Variants in PLPPR5 observed in about 807,000 individuals in gnomAD.
PLPPR5 encodes phospholipid phosphatase-related protein type 5.
A neutral mutation model predicts 33.9 loss-of-function variants in PLPPR5; 16 were observed. That is an observed-to-expected ratio of 0.47 (90% CI 0.32 to 0.72). PLPPR5 has a LOEUF of 0.72. Among genes scored for constraint, PLPPR5 ranks in the 30% least tolerant of loss-of-function variants. PLPPR5 has a pLI of 0.03. For missense variants in PLPPR5, 301 were observed against 406.7 expected, an observed-to-expected ratio of 0.74 and a Z score of 2.23; for synonymous variants, 163 against 150.3, an observed-to-expected ratio of 1.08 and a Z score of -0.62.
chr1:98,977,575 T>C (rs1385517240), intron 1 of PLPPR5, among the ~76,000 whole-genome samples: 1 of 149,950 alleles, frequency 6.7e-6, no homozygotes, highest in Non-Finnish European at 1.5e-5. Context: ...AAGACCATCA[T>C]GTTTTTATTG....
In PLPPR5 at chr1:98,972,063, T is replaced by C. The variant is rs528744318; in HGVS notation, c.238-15322A>G. Among the ~76,000 whole-genome samples the C allele has an allele frequency of 2.0e-5, 3 of 152,138 alleles. No individual in the cohort carries two copies. The East Asian group carries it at 5.8e-4, about 30-fold the overall frequency. On this transcript the variant is annotated intron_variant, in intron 1 of 5. Transcript: ENST00000263177. ...CTTAACTATGGAGGATCATGAGTGGTGTTGGGCCCAAACGAACCCTCAATG... is the reference window on the plus strand; with the variant it reads ...CTTAACTATGGAGGATCATGAGTGGCGTTGGGCCCAAACGAACCCTCAATG...
intron 3 of PLPPR5, 94 bp from the exon 4 acceptor site, chr1:98,922,152 C>T (rs1280292324): frequency 5.3e-6 from 6 of 1,134,606 alleles, no homozygotes; most frequent in African/African-American, 1.6e-5. Flanking sequence ...TATTTATAGA[C>T]ATATATACGC....
intron 3 of PLPPR5, among the ~76,000 whole-genome samples, chr1:98,938,600 A>G (rs1288331745): frequency 2.7e-5 from 4 of 150,898 alleles, no homozygotes; most frequent in Non-Finnish European, 5.9e-5. Flanking sequence ...ATATCATTCT[A>G]TCACAAAGAC....
Position 99,000,648 on chromosome 1 carries a change from TC to T in PLPPR5, c.237+3786del, listed in dbSNP as rs940292105. On this transcript the variant is annotated intron_variant, in intron 1 of 5. Coordinates refer to ENST00000263177, the MANE Select transcript of PLPPR5 (RefSeq NM_001037317.2). ...ACACACCTTAAATACCACCATCTTC[TC>T]CATGAAGCCTTTCCTCATGTCTCCA... 3.0e-4 allele frequency among the ~76,000 whole-genome samples: 45 copies of T among 152,316 alleles called. 1 individual carries two copies. The highest frequency in any genetic ancestry group is 1.1e-3 in the African/African-American group (45 of 41,584).
At chr1:98,963,300 T>C (rs781669462) in intron 1 of PLPPR5, among the ~76,000 whole-genome samples, 2 of 152,226 alleles carry the variant, frequency 1.3e-5, no homozygotes, top group African/African-American at 2.4e-5. Context: ...CAATGGCACG[T>C]TGTACATTTA....
intron 1 of PLPPR5, among the ~76,000 whole-genome samples, chr1:98,971,095 G>A (rs1651641310): frequency 6.6e-6 from 1 of 151,956 alleles, no homozygotes; most frequent in Admixed American, 6.6e-5. Context: ...GATGAGGCCT[G>A]GAATGTTCAT....
At chr1:98,945,889 G>C (rs776881120) in intron 3 of PLPPR5, among the ~76,000 whole-genome samples, 3 of 152,162 alleles carry the variant, frequency 2.0e-5, no homozygotes, top group Non-Finnish European at 4.4e-5. Context: ...GTCTAGATCT[G>C]ACTTGCCTAT....
At chr1:98,955,958 C>T (rs1256232690) in intron 2 of PLPPR5, among the ~76,000 whole-genome samples, 1 of 152,046 alleles carries the variant, frequency 6.6e-6, no homozygotes, top group African/African-American at 2.4e-5. Flanking sequence ...TTCATTCATG[C>T]ATATATTTAT....
intron 3 of PLPPR5, among the ~76,000 whole-genome samples, chr1:98,922,508 T>C (rs192045683): frequency 9.9e-4 from 150 of 152,278 alleles, no homozygotes; most frequent in African/African-American, 3.4e-3. Flanking sequence ...ACATACTTGA[T>C]AAAAACCAGC....
At chr1:98,939,746 C>G (rs1650305155) in intron 3 of PLPPR5, among the ~76,000 whole-genome samples, 1 of 151,878 alleles carries the variant, frequency 6.6e-6, no homozygotes, top group Non-Finnish European at 1.5e-5. Flanking sequence ...GTCCTGCAGT[C>G]ACAGCCGTGT....
intron 5 of PLPPR5, among the ~76,000 whole-genome samples, chr1:98,909,000 T>C (rs145515564): frequency 6.6e-6 from 1 of 151,812 alleles, no homozygotes; most frequent in Non-Finnish European, 1.5e-5. Context: ...TTTTAAAAGA[T>C]AATGATTTTC....
intron 1 of PLPPR5, among the ~76,000 whole-genome samples, chr1:98,976,798 AAATT>A (rs1651879640): frequency 6.6e-6 from 1 of 152,082 alleles, no homozygotes; most frequent in African/African-American, 2.4e-5. Flanking sequence ...TAAATTATCA[AAATT>A]AATTTCACCT....
chr1:98,958,924 C>T (rs979295611), intron 1 of PLPPR5, among the ~76,000 whole-genome samples: 6 of 152,168 alleles, frequency 3.9e-5, no homozygotes. Flanking sequence ...CACGGGGTCT[C>T]CATCCCCTGG....
chr1:98,927,808 TAGGAC>T (rs1649821266), intron 3 of PLPPR5, among the ~76,000 whole-genome samples: 1 of 152,210 alleles, frequency 6.6e-6, no homozygotes, highest in Non-Finnish European at 1.5e-5. Context: ...CTCCACTTCT[TAGGAC>T]AGGAAGTACT....
chr1:98,977,733 A>C (rs1281336188), intron 1 of PLPPR5, among the ~76,000 whole-genome samples: 8 of 151,560 alleles, frequency 5.3e-5, no homozygotes, highest in Non-Finnish European at 8.8e-5. Context: ...GGTGAACCTA[A>C]CATTTGCTTG....
chr1:98,967,602 G>C (rs894338997), intron 1 of PLPPR5, among the ~76,000 whole-genome samples: 6 of 150,192 alleles, frequency 4.0e-5, no homozygotes, highest in Non-Finnish European at 8.9e-5. Flanking sequence ...TTAGCTGAAT[G>C]ATCTTAATTA....
At chr1:98,916,558 T>G (rs910873408) in intron 4 of PLPPR5, among the ~76,000 whole-genome samples, 11 of 152,230 alleles carry the variant, frequency 7.2e-5, no homozygotes, top group Non-Finnish European at 1.5e-4. Context: ...CTCCACCTTT[T>G]TGGTGCAAAA....
At chr1:98,979,118 T>A (rs1651968904) in intron 1 of PLPPR5, among the ~76,000 whole-genome samples, 1 of 152,096 alleles carries the variant, frequency 6.6e-6, no homozygotes, top group Non-Finnish European at 1.5e-5. Flanking sequence ...GGCATTCTTC[T>A]AGGTACTGGA....
chr1:98,963,251 C>A (rs1651312048), intron 1 of PLPPR5, among the ~76,000 whole-genome samples: 1 of 152,180 alleles, frequency 6.6e-6, no homozygotes, highest in South Asian at 2.1e-4. Flanking sequence ...CAACTTTATT[C>A]TATTCCTGGT....
Sources: allele counts gnomAD v4.1 joint callset (sites outside exome capture counted in the v4.1 genomes callset), GRCh38; gene constraint gnomAD v4.1.1; transcripts MANE v1.5; gene names NCBI Gene and HGNC (gene_info 2026-07-23, HGNC 2026-07-21).